PTPN14: variants seen among roughly 807,000 people sequenced by gnomAD.
PTPN14 encodes the protein tyrosine-protein phosphatase non-receptor type 14.
PTPN14 carries 53 observed loss-of-function variants against 126.8 expected under a neutral mutation model. That is an observed-to-expected ratio of 0.42 (90% CI 0.34 to 0.53). PTPN14 has a LOEUF of 0.53. Ranked by LOEUF, PTPN14 falls within the 20% of genes least tolerant of loss-of-function variation. PTPN14 has a pLI of 0.08. For synonymous variants in PTPN14, 630 were observed against 599.3 expected, an observed-to-expected ratio of 1.05 and a Z score of -0.75; for missense variants, 1,257 against 1,552.9, an observed-to-expected ratio of 0.81 and a Z score of 3.20.
intron 3 of PTPN14, among the ~76,000 whole-genome samples, chr1:214,438,194 C>T (rs1279323515): frequency 1.3e-5 from 2 of 152,204 alleles, no homozygotes; most frequent in African/African-American, 2.4e-5. Context: ...CAGCCTGGCC[C>T]GTCCTGTGGC....
At chr1:214,361,140 TTC>T (rs1657945882) in intron 18 of PTPN14, among the ~76,000 whole-genome samples, 1 of 152,188 alleles carries the variant, frequency 6.6e-6, no homozygotes, top group Non-Finnish European at 1.5e-5. Flanking sequence ...TCTCAGGTAG[TTC>T]TTTATAGCAG....
chr1:214,485,409 C>T (rs560808985), intron 1 of PTPN14, among the ~76,000 whole-genome samples: 1 of 152,314 alleles, frequency 6.6e-6, no homozygotes, highest in African/African-American at 2.4e-5. Flanking sequence ...GAAAGGGGAA[C>T]AAGAGGAGCA....
intron 1 of PTPN14, among the ~76,000 whole-genome samples, chr1:214,490,856 A>G (rs1661216768): frequency 3.4e-4 from 9 of 26,128 alleles, no homozygotes; most frequent in Non-Finnish European, 4.0e-4. Context: ...AAAGGAAGGG[A>G]AGGGAGGGGA....
At chr1:214,403,062 C>T (rs1659072805) in intron 5 of PTPN14, 109 bp from the exon 6 acceptor site, 1 of 1,029,696 alleles carries the variant, frequency 9.7e-7, no homozygotes, top group Non-Finnish European at 1.5e-6. Flanking sequence ...GTCACATTTC[C>T]TCAATATCTC....
At chr1:214,361,219 T>C (rs567543219) in intron 18 of PTPN14, among the ~76,000 whole-genome samples, 6 of 152,334 alleles carry the variant, frequency 3.9e-5, no homozygotes, top group Middle Eastern at 6.8e-3. Context: ...AGGCTACTTG[T>C]GTTAATACTA....
Position 214,349,667 on chromosome 1 carries a change from A to G in PTPN14, c.*8255T>C, listed in dbSNP as rs996631527. The stretch of plus-strand genomic sequence containing the variant: ...TGAAGTATCCTCAAGCACATTAATT[A>G]GCTATTGAAGGAACAAAGGACATAC... On this transcript the variant is annotated 3_prime_UTR_variant, in exon 19 of 19. Coordinates refer to ENST00000366956, the MANE Select transcript of PTPN14 (RefSeq NM_005401.5). The G allele has an allele frequency of 2.6e-5, 4 of 152,222 alleles. No homozygotes were observed. The highest frequency in any genetic ancestry group is 9.7e-5 in the African/African-American group (4 of 41,446). The allele number at this position is 152,222 out of a possible 1,614,324, so 9.4% of individuals were successfully genotyped here.
chr1:214,446,752 CCCAA>C (rs1265462276), intron 3 of PTPN14, among the ~76,000 whole-genome samples: 1 of 151,264 alleles, frequency 6.6e-6, no homozygotes, highest in Non-Finnish European at 1.5e-5. Flanking sequence ...AAAAGGAAAA[CCCAA>C]CCAGAGTATT....
chr1:214,511,848 C>T (rs556242709), intron 1 of PTPN14, among the ~76,000 whole-genome samples: 9 of 152,330 alleles, frequency 5.9e-5, no homozygotes, highest in African/African-American at 2.2e-4. Context: ...CTGATACATG[C>T]TACAACATGG....
intron 3 of PTPN14, among the ~76,000 whole-genome samples, chr1:214,447,501 G>T (rs74226185): frequency 0.057 from 8,616 of 152,054 alleles, 289 homozygotes; most frequent in South Asian, 0.15. Flanking sequence ...GTTGTTGGTG[G>T]CCCTCAACCT....
chr1:214,506,354 A>G (rs61683779), intron 1 of PTPN14, among the ~76,000 whole-genome samples: 1 of 149,060 alleles, frequency 6.7e-6, no homozygotes, highest in African/African-American at 2.5e-5. Flanking sequence ...TTTTTTTTTT[A>G]AAATTTTTTA....
chr1:214,383,269 G>T lies in PTPN14; in HGVS notation c.2544+42C>A. ...CCCTTGCTCAGTGCCTGAAGCATGT[G>T]CTTTCACACTGGAAAATGCCCTGGG... is the stretch of plus-strand genomic sequence containing the variant. On this transcript the variant is annotated intron_variant, in intron 13 of 18. Coordinates refer to ENST00000366956, the MANE Select transcript of PTPN14 (RefSeq NM_005401.5). The surrounding 1 kb of genome is among the most constrained non-coding windows in gnomAD (Gnocchi z 4.4). 1 of 1,582,500 alleles carries T rather than the reference G, an allele frequency of 6.3e-7. No individual in the cohort carries two copies. The highest frequency in any genetic ancestry group is 8.6e-7 in the Non-Finnish European group (1 of 1,159,898).
At chr1:214,372,602 C>T (rs1286842329) in intron 16 of PTPN14, 109 bp downstream of exon 16, 5 of 1,467,724 alleles carry the variant, frequency 3.4e-6, no homozygotes, top group African/African-American at 1.4e-5. Flanking sequence ...TGCAGAGAAA[C>T]AGCACTGCAG....
intron 1 of PTPN14, among the ~76,000 whole-genome samples, chr1:214,503,144 C>A (rs78219802): frequency 2.0e-5 from 3 of 152,094 alleles, no homozygotes; most frequent in Non-Finnish European, 4.4e-5. Context: ...AATTTAAATA[C>A]AATTTTTGTT....
At chr1:214,542,612 A>G (rs1366194109) in intron 1 of PTPN14, among the ~76,000 whole-genome samples, 1 of 152,230 alleles carries the variant, frequency 6.6e-6, no homozygotes, top group Non-Finnish European at 1.5e-5. Context: ...GGCCTGACCC[A>G]GAGAGAGATT....
At chr1:214,532,331 C>T in intron 1 of PTPN14, 1 of 539,084 alleles carries the variant, frequency 1.9e-6, no homozygotes. Flanking sequence ...CCGTGTCCTG[C>T]TACACCAGCT....
intron 8 of PTPN14, 139 bp downstream of exon 8, chr1:214,397,774 G>C (rs774244723): frequency 4.2e-5 from 27 of 635,670 alleles, no homozygotes; most frequent in Non-Finnish European, 7.2e-5. Context: ...ATCCTGCAGA[G>C]GGCTCACCTT....
intron 5 of PTPN14, among the ~76,000 whole-genome samples, chr1:214,408,869 GA>G (rs201413975): frequency 4.7e-5 from 7 of 150,158 alleles, no homozygotes; most frequent in Non-Finnish European, 7.4e-5. Flanking sequence ...AGTACGTTCA[GA>G]AAAAAAAAGA....
intron 1 of PTPN14, among the ~76,000 whole-genome samples, chr1:214,512,522 G>T (rs1327162873): frequency 3.9e-5 from 6 of 152,188 alleles, no homozygotes; most frequent in African/African-American, 7.2e-5. Context: ...AAACAGAGCA[G>T]AATGGGGGTT....
At chr1:214,480,118 T>C (rs1434668083) in intron 1 of PTPN14, among the ~76,000 whole-genome samples, 4 of 152,176 alleles carry the variant, frequency 2.6e-5, no homozygotes, top group Non-Finnish European at 5.9e-5. Flanking sequence ...TTGCTATTTT[T>C]CAAAAAGAGT....
Sources: allele counts gnomAD v4.1 joint callset (sites outside exome capture counted in the v4.1 genomes callset), GRCh38; gene constraint gnomAD v4.1.1; non-coding constraint Gnocchi (gnomAD v3.1); transcripts MANE v1.5; gene names NCBI Gene and HGNC (gene_info 2026-07-23, HGNC 2026-07-21).